The following STXBP6 variants were observed in gnomAD, a reference collection of about 807,000 sequenced individuals.
STXBP6 encodes syntaxin binding protein 6, also known as syntaxin-binding protein 6.
STXBP6 carries 21 observed loss-of-function variants against 26.9 expected under a neutral mutation model. The ratio of observed to expected loss-of-function variants is 0.78; its 90% CI spans 0.55 to 1.12. The LOEUF (loss-of-function observed/expected upper bound fraction) is 1.12, where lower values mean the gene tolerates loss of function less well. Among genes scored for constraint, STXBP6 ranks in the 50% most tolerant of loss-of-function variants. The pLI is 0.00. For missense variants in STXBP6, 232 were observed against 257.9 expected (o/e 0.90, Z 0.69); for synonymous variants, 97 against 92.6 (o/e 1.05, Z -0.27).
At chr14:24,820,868 C>T (rs1397642182) in intron 4 of STXBP6, among the ~76,000 whole-genome samples, 1 of 152,178 alleles carries the variant, frequency 6.6e-6, no homozygotes, top group African/African-American at 2.4e-5. Flanking sequence ...TCCTTATTCT[C>T]TACCTTGTTC....
chr14:24,871,541 T>A (rs2069935633), intron 2 of STXBP6, among the ~76,000 whole-genome samples: 1 of 152,204 alleles, frequency 6.6e-6, no homozygotes, highest in African/African-American at 2.4e-5. Flanking sequence ...ATGTGCCAGA[T>A]GATGCTGTCA....
At chr14:24,934,458 C>A (rs2072527104) in intron 2 of STXBP6, among the ~76,000 whole-genome samples, 1 of 152,136 alleles carries the variant, frequency 6.6e-6, no homozygotes, top group Non-Finnish European at 1.5e-5. Context: ...ATAAACACAA[C>A]AGACATTCTC....
chr14:24,881,024 C>A (rs1291379398), intron 2 of STXBP6, among the ~76,000 whole-genome samples: 1 of 152,158 alleles, frequency 6.6e-6, no homozygotes, highest in East Asian at 1.9e-4. Flanking sequence ...TTCTCACACA[C>A]TTTTCATTCC....
At chr14:24,945,042 C>G (rs1440514574) in intron 2 of STXBP6, among the ~76,000 whole-genome samples, 1 of 150,140 alleles carries the variant, frequency 6.7e-6, no homozygotes, top group Non-Finnish European at 1.5e-5. Flanking sequence ...CTAATCCATG[C>G]GTGATGTCTT....
intron 1 of STXBP6, among the ~76,000 whole-genome samples, chr14:24,995,699 T>A (rs1393902378): frequency 2.6e-5 from 4 of 152,172 alleles, no homozygotes; most frequent in African/African-American, 9.7e-5. Context: ...AAATAAAACT[T>A]CTATCTCTGG....
At chr14:24,829,748 GT>G (rs1400198877) in intron 4 of STXBP6, among the ~76,000 whole-genome samples, 1 of 151,084 alleles carries the variant, frequency 6.6e-6, no homozygotes, top group Non-Finnish European at 1.5e-5. Context: ...GAACACCGTT[GT>G]AGGCAAAATA....
At chr14:25,000,298 C>A (rs1230512993) in intron 1 of STXBP6, among the ~76,000 whole-genome samples, 1 of 151,596 alleles carries the variant, frequency 6.6e-6, no homozygotes, top group Admixed American at 6.6e-5. Flanking sequence ...CTCCTGACCT[C>A]GTGATACGCC....
At chr14:24,987,639 T>C (rs1441900634) in intron 1 of STXBP6, among the ~76,000 whole-genome samples, 1 of 152,228 alleles carries the variant, frequency 6.6e-6, no homozygotes, top group African/African-American at 2.4e-5. Flanking sequence ...TACTGACACA[T>C]AAAGAGAAGG....
chr14:24,962,327 AT>A (rs375413637), intron 2 of STXBP6, among the ~76,000 whole-genome samples: 1 of 128,554 alleles, frequency 7.8e-6, no homozygotes, highest in African/African-American at 2.7e-5. Context: ...TTATTTATTT[AT>A]TTATTTATTT....
intron 2 of STXBP6, among the ~76,000 whole-genome samples, chr14:24,914,261 T>C (rs1465028690): frequency 6.6e-6 from 1 of 152,198 alleles, no homozygotes; most frequent in Admixed American, 6.5e-5. Flanking sequence ...TCTTCCCTTA[T>C]TTTTCAGTAT....
At chr14:24,920,322 T>C (rs573191262) in intron 2 of STXBP6, among the ~76,000 whole-genome samples, 1 of 152,194 alleles carries the variant, frequency 6.6e-6, no homozygotes, top group African/African-American at 2.4e-5. Flanking sequence ...AAGACTGCCA[T>C]TTACACTTCA....
intron 2 of STXBP6, among the ~76,000 whole-genome samples, chr14:24,936,285 CAAAACAAAACAA>C (rs1043529294): frequency 4.6e-5 from 7 of 151,778 alleles, no homozygotes; most frequent in African/African-American, 1.7e-4. Flanking sequence ...AGGCCAGAAA[CAAAACAAAACAA>C]AAAACAAAAC....
chr14:24,935,247 T>C (rs561555342), intron 2 of STXBP6, among the ~76,000 whole-genome samples: 1 of 152,316 alleles, frequency 6.6e-6, no homozygotes, highest in South Asian at 2.1e-4. Context: ...GGGCCTCTTA[T>C]GTGCAAATAG....
intron 5 of STXBP6, chr14:24,818,117 G>A (rs981093318): frequency 1.1e-5 from 5 of 456,580 alleles, no homozygotes; most frequent in African/African-American, 6.0e-5. Flanking sequence ...CACCTGAAAA[G>A]TGTATTTGAA....
chr14:24,908,650 C>G (rs1244844101), intron 2 of STXBP6, among the ~76,000 whole-genome samples: 3 of 148,106 alleles, frequency 2.0e-5, no homozygotes, highest in South Asian at 2.2e-4. Flanking sequence ...TTTCTCAGGT[C>G]TTCCTCCACA....
intron 2 of STXBP6, among the ~76,000 whole-genome samples, chr14:24,892,015 C>G (rs1337033083): frequency 6.6e-6 from 1 of 152,150 alleles, no homozygotes; most frequent in Non-Finnish European, 1.5e-5. Context: ...ATAAATGTTC[C>G]TGGCTCTTAG....
At chr14:24,858,142 C>T (rs1263125366) in intron 2 of STXBP6, among the ~76,000 whole-genome samples, 1 of 152,050 alleles carries the variant, frequency 6.6e-6, no homozygotes, top group East Asian at 1.9e-4. Context: ...CCACAGATTC[C>T]ACACTTTCGA....
At chr14:25,005,324 T>C (rs2074864730) in intron 1 of STXBP6, among the ~76,000 whole-genome samples, 1 of 152,134 alleles carries the variant, frequency 6.6e-6, no homozygotes, top group South Asian at 2.1e-4. Flanking sequence ...AGACAAACCA[T>C]ATTCAAAATG....
At chr14:25,022,747 T>C (rs2075282626) in intron 1 of STXBP6, among the ~76,000 whole-genome samples, 1 of 152,216 alleles carries the variant, frequency 6.6e-6, no homozygotes, top group Non-Finnish European at 1.5e-5. Context: ...CTAGGTGATC[T>C]CATCCAAGAC....
Sources: gnomAD v4.1 joint callset for allele counts (sites outside exome capture counted in the v4.1 genomes callset) on GRCh38, gnomAD v4.1.1 for gene constraint, MANE v1.5 for transcripts, NCBI Gene and HGNC (gene_info 2026-07-23, HGNC 2026-07-21) for gene names.